ASH1L: variants seen among roughly 807,000 people sequenced by gnomAD.
ASH1L encodes the protein ASH1 like histone lysine methyltransferase, also known as histone-lysine N-methyltransferase ASH1L.
Under a neutral mutation model 269.0 loss-of-function variants are expected in ASH1L, and 23 were observed. That is an observed-to-expected ratio of 0.09 (90% CI 0.06 to 0.12). ASH1L has a LOEUF of 0.12. ASH1L is among the 10% of genes least tolerant of loss of function. ASH1L has a pLI of 1.00. For synonymous variants in ASH1L, 1,187 were observed against 1,253.5 expected (o/e 0.95, Z 1.12); for missense variants, 2,912 against 3,567.8 (o/e 0.82, Z 4.68).
intron 1 of ASH1L, among the ~76,000 whole-genome samples, chr1:155,539,728 G>A (rs557085836): frequency 5.5e-4 from 83 of 151,988 alleles, no homozygotes; most frequent in African/African-American, 1.7e-3. Flanking sequence ...GAATGCAGGC[G>A]TGAGCCACTA....
chr1:155,435,811 G>A (rs369379769), intron 5 of ASH1L, among the ~76,000 whole-genome samples: 1 of 152,208 alleles, frequency 6.6e-6, no homozygotes, highest in East Asian at 1.9e-4. Flanking sequence ...AGCACTTTGG[G>A]AGGCTGAGAC....
At chr1:155,409,614 A>G (rs1325617472) in intron 6 of ASH1L, among the ~76,000 whole-genome samples, 2 of 152,178 alleles carry the variant, frequency 1.3e-5, no homozygotes, top group African/African-American at 4.8e-5. Context: ...CATGATTTTT[A>G]AATTTTATTA....
At position 155,463,189 on chromosome 1, in the gene ASH1L, G is replaced by A. The variant is rs193072473; in HGVS notation, c.4985-3291C>T. The stretch of plus-strand genomic sequence containing the variant: ...GAACTAGTATGTCCAATTCAACAGA[G>A]ACCAATATATATGTATGTGTCCAAA... On this transcript the variant is annotated intron_variant, in intron 3 of 27. Coordinates refer to ENST00000392403, the MANE Select transcript of ASH1L (RefSeq NM_018489.3). Among the ~76,000 whole-genome samples the A allele has an allele frequency of 1.0e-3, 158 of 152,244 alleles. 1 individual carries two copies. Among genetic ancestry groups the A allele is most frequent in the Admixed American group, 9.7e-3 (148 of 15,288 alleles).
Position 155,481,910 on chromosome 1 carries a change from G to A in ASH1L, c.960C>T (p.Asn320=), listed in dbSNP as rs1344676096. The A allele has an allele frequency of 1.2e-6, 2 of 1,614,126 alleles. No homozygotes were observed. Among genetic ancestry groups the A allele is most frequent in the Admixed American group, 3.3e-5 (2 of 59,990 alleles). ...TGTTAVFINK[N]LGKKPGTITT... ...TGATAGTTCCTGGCTTTTTGCCTAA[G>A]TTTTTATTAATGAATACCGCTGTAG... The change falls in exon 3 of 28, where the codon AAC becomes AAT. Residue 320 remains asparagine, a synonymous_variant. Transcript: ENST00000392403.
At chr1:155,349,518 T>C (rs904946471) in intron 18 of ASH1L, 24 bp downstream of exon 18, 21 of 1,613,944 alleles carry the variant, frequency 1.3e-5, no homozygotes, top group Non-Finnish European at 5.9e-6. Context: ...AAAACTCAGA[T>C]GATTCCCACA....
chr1:155,366,490 C>T (rs1571011188), intron 12 of ASH1L, among the ~76,000 whole-genome samples: 1 of 152,010 alleles, frequency 6.6e-6, no homozygotes, highest in East Asian at 1.9e-4. Context: ...AATAAACTTC[C>T]TTTCACTTAA....
Position 155,343,178 on chromosome 1 carries a change from G to C in ASH1L, c.8293+136C>G. On this transcript the variant is annotated intron_variant, in intron 24 of 27. Transcript: ENST00000392403. The surrounding 1 kb of genome is among the most constrained non-coding windows in gnomAD (Gnocchi z 6.1). The stretch of plus-strand genomic sequence containing the variant: ...TGCCCAGCTACAGAGGCAGAGTTTT[G>C]CCACGTTGGCCAGGCTGGTCTCACA... The C allele has an allele frequency of 1.1e-6, 1 of 883,828 alleles. No homozygotes were observed. The highest frequency in any genetic ancestry group is 1.7e-6 in the Non-Finnish European group (1 of 585,594). 54.7% of individuals were successfully genotyped at this position (883,828 alleles called of 1,614,324 possible). A position where few individuals can be genotyped will look rare whatever the true frequency, so the allele number is the denominator to read the frequency against.
intron 7 of ASH1L, among the ~76,000 whole-genome samples, chr1:155,383,841 A>T (rs889526523): frequency 1.3e-5 from 2 of 152,178 alleles, no homozygotes; most frequent in African/African-American, 4.8e-5. Context: ...AGTTCCGGGG[A>T]TGGATAGCAG....
intron 7 of ASH1L, among the ~76,000 whole-genome samples, chr1:155,390,026 A>G (rs72704164): frequency 0.016 from 2,482 of 152,098 alleles, 35 homozygotes; most frequent in Non-Finnish European, 0.026. Context: ...CACTGCCTAG[A>G]ACATCCATGT....
At chr1:155,532,115 T>C (rs1055662098) in intron 1 of ASH1L, among the ~76,000 whole-genome samples, 8 of 152,224 alleles carry the variant, frequency 5.3e-5, no homozygotes, top group African/African-American at 1.9e-4. Flanking sequence ...TAGAATCTCT[T>C]CACTCAAACA....
chr1:155,394,278 T>C (rs1158210142), intron 7 of ASH1L, among the ~76,000 whole-genome samples: 1 of 151,922 alleles, frequency 6.6e-6, no homozygotes, highest in Non-Finnish European at 1.5e-5. Context: ...GTGAATAAGG[T>C]TGAGATGGGA....
intron 15 of ASH1L, among the ~76,000 whole-genome samples, chr1:155,355,894 T>C (rs1021599534): frequency 3.3e-5 from 5 of 151,802 alleles, no homozygotes; most frequent in Admixed American, 3.3e-4. Flanking sequence ...TCTGTTAATA[T>C]GTCAACAAAG....
rs779755393 is a variant in ASH1L at position 155,480,486 on chromosome 1, T to C, written c.2384A>G (p.Asp795Gly). The part of the protein sequence containing the change: ...STAPSLALLA[D>G]SEKPSHKSFA... ...AGACTTATGAGATGGTTTTTCACTATCAGCTAAGAGAGCAAGAGATGGAGC... is the reference window on the plus strand; with the variant it reads ...AGACTTATGAGATGGTTTTTCACTACCAGCTAAGAGAGCAAGAGATGGAGC... The change falls in exon 3 of 28, where the codon GAT becomes GGT. Residue 795 changes from aspartate to glycine, a missense_variant. Physicochemically the swap from Asp to Gly is moderately conservative, Grantham distance 94. Around this residue, in one of 13 missense-constraint regions of ASH1L, gnomAD observed 715 missense variants for 721.0 expected, o/e 0.99. Transcript: ENST00000392403. 7.4e-6 allele frequency: 12 copies of C among 1,614,066 alleles called. No individual in the cohort carries two copies. The highest frequency in any genetic ancestry group is 1.0e-5 in the Non-Finnish European group (12 of 1,179,914).
At chr1:155,408,142 ATCCATGTGAG>A (rs780609305) in intron 6 of ASH1L, among the ~76,000 whole-genome samples, 15 of 152,208 alleles carry the variant, frequency 9.9e-5, no homozygotes, top group Non-Finnish European at 1.8e-4. Flanking sequence ...TTTTACCTAC[ATCCATGTGAG>A]TCTGGAATAC....
At chr1:155,374,826 C>CT (rs1656288081) in intron 10 of ASH1L, among the ~76,000 whole-genome samples, 1 of 151,792 alleles carries the variant, frequency 6.6e-6, no homozygotes, top group African/African-American at 2.4e-5. Context: ...TTCTTCTTTT[C>CT]TTTTTTTGAC....
At chr1:155,551,166 T>C (rs1374752530) in intron 1 of ASH1L, among the ~76,000 whole-genome samples, 3 of 152,128 alleles carry the variant, frequency 2.0e-5, no homozygotes, top group African/African-American at 7.2e-5. Flanking sequence ...ACTTTCTTCC[T>C]GCAGCATTTT....
rs1180386186 is a variant in ASH1L, at chr1:155,370,376, A to G, written c.6686+128T>C. On this transcript the variant is annotated intron_variant, in intron 12 of 27. Transcript: ENST00000392403. The stretch of plus-strand genomic sequence containing the variant: ...CGAAGCAGCTTACTCTGCCCGTGGG[A>G]TCTGGGGTAATGGGGAACAGCCTGA... 1.1e-5 allele frequency: 13 copies of G among 1,160,518 alleles called. No homozygotes were observed. The East Asian group carries it at 3.1e-4, about 27-fold the overall frequency. The allele number at this position is 1,160,518 out of a possible 1,614,324, so 71.9% of individuals were successfully genotyped here.
At chr1:155,346,189 T>C in intron 21 of ASH1L, 194 bp downstream of exon 21, 1 of 1,497,476 alleles carries the variant, frequency 6.7e-7, no homozygotes. Flanking sequence ...AGTATTTTAT[T>C]TTCCCTTTGG....
intron 2 of ASH1L, among the ~76,000 whole-genome samples, chr1:155,513,676 A>T (rs1668319237): frequency 1.3e-5 from 2 of 152,120 alleles, no homozygotes; most frequent in Admixed American, 1.3e-4. Flanking sequence ...CCACTTCCAC[A>T]TATATACATA....
Sources: gnomAD v4.1 joint callset for allele counts (sites outside exome capture counted in the v4.1 genomes callset) on GRCh38, gnomAD v4.1.1 for gene constraint, gnomAD v4.1.1 regional missense constraint, Gnocchi (gnomAD v3.1) non-coding constraint, MANE v1.5 for transcripts, NCBI Gene and HGNC (gene_info 2026-07-23, HGNC 2026-07-21) for gene names.